CHD7: variants seen among roughly 807,000 people sequenced by gnomAD.
The protein encoded by CHD7 is chromodomain helicase DNA binding protein 7, also known as ATP-dependent chromatin remodeler CHD7.
A neutral mutation model predicts 307.3 loss-of-function variants in CHD7; 24 were observed. The observed-to-expected ratio is 0.08, with a 90% confidence interval of 0.06 to 0.11. CHD7 has a LOEUF of 0.11. Among genes scored for constraint, CHD7 ranks in the 10% least tolerant of loss-of-function variants. CHD7 has a pLI of 1.00. For synonymous variants in CHD7, 1,363 were observed against 1,349.9 expected (o/e 1.01, Z -0.21); for missense variants, 3,106 against 3,727.1 (o/e 0.83, Z 4.34).
At chr8:60,684,462 G>T (rs1805784435) in intron 1 of CHD7, among the ~76,000 whole-genome samples, 1 of 152,198 alleles carries the variant, frequency 6.6e-6, no homozygotes, top group Non-Finnish European at 1.5e-5. Flanking sequence ...ACAAAAACTA[G>T]AGCTACTGTA....
chr8:60,823,589 G>A (rs1335761062), intron 12 of CHD7, among the ~76,000 whole-genome samples: 1 of 152,154 alleles, frequency 6.6e-6, no homozygotes, highest in East Asian at 1.9e-4. Flanking sequence ...GGTACGCTTA[G>A]TGGTAATTGA....
intron 1 of CHD7, among the ~76,000 whole-genome samples, chr8:60,693,383 C>T (rs369871690): frequency 1.3e-5 from 2 of 152,350 alleles, no homozygotes; most frequent in South Asian, 2.1e-4. Context: ...TTGCTCCTGC[C>T]GCTCAGCCTT....
chr8:60,764,125 C>G (rs2150627946), intron 2 of CHD7, among the ~76,000 whole-genome samples: 1 of 152,168 alleles, frequency 6.6e-6, no homozygotes, highest in African/African-American at 2.4e-5. Flanking sequence ...GTAGCTGGTA[C>G]TACAGGTGCC....
chr8:60,710,215 G>A (rs1021896759), intron 1 of CHD7, among the ~76,000 whole-genome samples: 1 of 149,136 alleles, frequency 6.7e-6, no homozygotes, highest in African/African-American at 2.5e-5. Context: ...TAATTCTTGT[G>A]CAAACTTTGA....
intron 23 of CHD7, 71 bp from the exon 24 acceptor site, chr8:60,848,444 C>T: frequency 9.7e-7 from 1 of 1,027,900 alleles, no homozygotes; most frequent in Non-Finnish European, 1.5e-6. Flanking sequence ...ACAGCAGCAG[C>T]TGCCAAAAGC....
intron 2 of CHD7, 93 bp from the exon 3 acceptor site, chr8:60,780,907 A>G: frequency 9.8e-6 from 13 of 1,329,534 alleles, no homozygotes; most frequent in African/African-American, 2.9e-5. Context: ...TGAGTATAGA[A>G]TAAGTTTCAG....
Position 60,781,154 on chromosome 8 carries a change from T to C in CHD7, c.1820T>C (p.Val607Ala). 2 of 1,608,480 alleles carry C rather than the reference T, an allele frequency of 1.2e-6. No individual in the cohort carries two copies. Among genetic ancestry groups the C allele is most frequent in the Non-Finnish European group, 1.7e-6 (2 of 1,177,388 alleles). Residue 607 changes from valine to alanine, a missense_variant, in exon 3 of 38, where the codon GTA becomes GCA. Val to Ala is a moderately conservative substitution (Grantham distance 64, BLOSUM62 0). Coordinates refer to ENST00000423902, the MANE Select transcript of CHD7 (RefSeq NM_017780.4). ...AAGAAAAAGAAAAACAACCACATTG[T>C]AGCAGAGGATCCCAGTAAAGGTTTT... is the stretch of plus-strand genomic sequence containing the variant. Reference protein sequence around the residue: ...KKKKKKNNHIVAEDPSKGFGK... With the variant: ...KKKKKKNNHIAAEDPSKGFGK...
chr8:60,849,654 G>GAT (rs1805363241), intron 25 of CHD7, among the ~76,000 whole-genome samples: 1 of 152,288 alleles, frequency 6.6e-6, no homozygotes, highest in African/African-American at 2.4e-5. Context: ...GAACTGGCAT[G>GAT]ATATATACAG....
At chr8:60,780,309 T>G (rs1183887248) in intron 2 of CHD7, among the ~76,000 whole-genome samples, 1 of 152,210 alleles carries the variant, frequency 6.6e-6, no homozygotes, top group Non-Finnish European at 1.5e-5. Context: ...TCACATTAAT[T>G]TATTTGGGTT....
chr8:60,704,864 G>C (rs1191030713), intron 1 of CHD7, among the ~76,000 whole-genome samples: 3 of 152,084 alleles, frequency 2.0e-5, no homozygotes, highest in Admixed American at 6.5e-5. Flanking sequence ...CACATGGCTT[G>C]GCTGGTGGAA....
intron 7 of CHD7, among the ~76,000 whole-genome samples, chr8:60,813,792 T>C (rs1332586675): frequency 4.6e-5 from 7 of 151,588 alleles, no homozygotes; most frequent in Admixed American, 4.6e-4. Context: ...GAGTTGTGTT[T>C]GTTAATATTT....
intron 13 of CHD7, among the ~76,000 whole-genome samples, chr8:60,827,743 T>C (rs1363671982): frequency 1.3e-5 from 2 of 151,984 alleles, no homozygotes; most frequent in Non-Finnish European, 2.9e-5. Context: ...AAAATTAGCA[T>C]GTTCTTACCT....
Position 60,741,200 on chromosome 8 carries a change from A to AT in CHD7, c.-174-57dup, listed in dbSNP as rs1320977633. On this transcript the variant is annotated intron_variant, in intron 1 of 37. Coordinates refer to ENST00000423902, the MANE Select transcript of CHD7 (RefSeq NM_017780.4). The stretch of plus-strand genomic sequence containing the variant: ...GTACAAAATACTGGCAGTTTTTATC[A>AT]TTGGATCCTAATTCTTTGTTTTCTT... The AT allele has an allele frequency of 1.3e-5, 7 of 534,252 alleles. No homozygotes were observed. In the East Asian group the frequency reaches 2.1e-4, roughly 16 times the overall value. The allele number at this position is 534,252 out of a possible 1,614,324, so 33.1% of individuals were successfully genotyped here.
intron 19 of CHD7, among the ~76,000 whole-genome samples, chr8:60,838,569 C>T (rs886266616): frequency 6.6e-6 from 1 of 152,140 alleles, no homozygotes; most frequent in African/African-American, 2.4e-5. Context: ...TCCTTCTCTC[C>T]CCAGATCCTG....
chr8:60,717,332 G>T (rs528713308), intron 1 of CHD7, among the ~76,000 whole-genome samples: 1 of 152,146 alleles, frequency 6.6e-6, no homozygotes, highest in East Asian at 1.9e-4. Flanking sequence ...ATTAGACTTA[G>T]CAATAACTTT....
At chr8:60,851,897 G>T in intron 28 of CHD7, 122 bp from the exon 29 acceptor site, 1 of 602,866 alleles carries the variant, frequency 1.7e-6, no homozygotes, top group South Asian at 2.5e-5. Context: ...AAAAATGAGG[G>T]CACTGAGATG....
At chr8:60,747,361 A>G (rs560060285) in intron 2 of CHD7, among the ~76,000 whole-genome samples, 4 of 152,298 alleles carry the variant, frequency 2.6e-5, no homozygotes, top group African/African-American at 9.6e-5. Flanking sequence ...TACAGGCATG[A>G]GCCACCCTGC....
chr8:60,858,615 G>C (rs889360609), intron 34 of CHD7, among the ~76,000 whole-genome samples: 3 of 151,934 alleles, frequency 2.0e-5, no homozygotes, highest in African/African-American at 7.3e-5. Context: ...TTTGAAACAG[G>C]GTTTGTTTTT....
intron 1 of CHD7, among the ~76,000 whole-genome samples, chr8:60,732,394 C>T (rs1010954245): frequency 1.3e-5 from 2 of 152,210 alleles, no homozygotes; most frequent in African/African-American, 4.8e-5. Flanking sequence ...TGCATGCTTG[C>T]CCTTGCCTCA....
Sources: allele counts gnomAD v4.1 joint callset (sites outside exome capture counted in the v4.1 genomes callset), GRCh38; gene constraint gnomAD v4.1.1; transcripts MANE v1.5; gene names NCBI Gene and HGNC (gene_info 2026-07-23, HGNC 2026-07-21).